Variants in PROX1 observed in about 807,000 individuals in gnomAD.
The protein encoded by PROX1 is prospero homeobox protein 1.
PROX1 carries 7 observed loss-of-function variants against 58.8 expected under a neutral mutation model. The observed-to-expected ratio is 0.12, with a 90% CI of 0.07 to 0.22. The LOEUF is 0.22. Among genes scored for constraint, PROX1 ranks in the 10% least tolerant of loss-of-function variants. PROX1 has a pLI of 1.00. For missense variants in PROX1, 675 were observed against 927.8 expected, an observed-to-expected ratio of 0.73 and a Z score of 3.54; for synonymous variants, 350 against 358.3, an observed-to-expected ratio of 0.98 and a Z score of 0.26.
chr1:213,991,270 C>G (rs1163965177), intron 1 of PROX1, among the ~76,000 whole-genome samples: 1 of 152,216 alleles, frequency 6.6e-6, no homozygotes, highest in African/African-American at 2.4e-5. Flanking sequence ...TTTAAACAGA[C>G]TACTTCTGTA....
chr1:214,022,005 C>A (rs886702951), intron 4 of PROX1, among the ~76,000 whole-genome samples: 37 of 152,168 alleles, frequency 2.4e-4, no homozygotes, highest in African/African-American at 6.5e-4. Flanking sequence ...TGATGTTATT[C>A]TCAGGCAGGC....
At position 213,996,303 on chromosome 1, in the gene PROX1, T is replaced by C. The variant is rs562521560; in HGVS notation, c.-67-166T>C. 3.3e-5 allele frequency among the ~76,000 whole-genome samples: 5 copies of C among 152,266 alleles called. No individual in the cohort carries two copies. In the South Asian group the frequency reaches 1.0e-3, roughly 32 times the overall value. ...ATCTTAAACCAGTGGAGCAGAAATA[T>C]TTAAAAATGTTTCATTTCAAGCAGA... is the stretch of plus-strand genomic sequence containing the variant. On this transcript the variant is annotated intron_variant, in intron 1 of 4. Transcript: ENST00000366958.
chr1:214,012,453 A>G (rs979747890), intron 4 of PROX1, among the ~76,000 whole-genome samples: 10 of 152,238 alleles, frequency 6.6e-5, no homozygotes, highest in African/African-American at 1.9e-4. Flanking sequence ...CCATGCAACA[A>G]TGAAAGATGT....
chr1:214,000,381 G>A (rs1663457463), intron 2 of PROX1, among the ~76,000 whole-genome samples: 1 of 152,150 alleles, frequency 6.6e-6, no homozygotes, highest in South Asian at 2.1e-4. Context: ...CTTTTATTTT[G>A]ATACATATCA....
chr1:213,992,873 G>A (rs926620638), intron 1 of PROX1, among the ~76,000 whole-genome samples: 2 of 152,168 alleles, frequency 1.3e-5, no homozygotes, highest in African/African-American at 2.4e-5. Flanking sequence ...TCACGCTGCA[G>A]TGTTCCTTTG....
Position 213,993,811 on chromosome 1 carries a change from A to G in PROX1, c.-67-2658A>G, listed in dbSNP as rs141203677. 2.2e-3 allele frequency among the ~76,000 whole-genome samples: 335 copies of G among 152,260 alleles called. 1 individual carries two copies. Among genetic ancestry groups the G allele is most frequent in the African/African-American group, 7.7e-3 (320 of 41,548 alleles). ...TCCCATTTGTTTTGTCTTATTTGTT[A>G]TGTTCCAGCTGGACATTTTACAACA... On this transcript the variant is annotated intron_variant, in intron 1 of 4. Transcript: ENST00000366958.
In PROX1 at chr1:213,990,659, C is replaced by CGTGTGTGTGT. The variant is rs71165944; in HGVS notation, c.-68+2209_-68+2218dup. Among the ~76,000 whole-genome samples, 666 of 135,970 alleles carry CGTGTGTGTGT rather than the reference C, an allele frequency of 4.9e-3. 2 individuals carry two copies. The highest frequency in any genetic ancestry group is 0.011 in the Middle Eastern group (3 of 268). The allele number at this position is 135,970 out of a possible 152,430, so 89.2% of individuals were successfully genotyped here. A position where few individuals can be genotyped will look rare whatever the true frequency, so the allele number is the denominator to read the frequency against. ...GAGAGAGAGAGAGAGAGAGAACTGT[C>CGTGTGTGTGT]GTGTGTGTGTGTGTGTGTGTGTGTG... On this transcript the variant is annotated intron_variant, in intron 1 of 4. Transcript: ENST00000366958.
chr1:214,009,662 C>T (rs1663840058), intron 3 of PROX1, among the ~76,000 whole-genome samples: 1 of 152,092 alleles, frequency 6.6e-6, no homozygotes, highest in African/African-American at 2.4e-5. Context: ...CTTTATGTCC[C>T]ATTCGTAAAT....
At chr1:213,983,566 C>T (rs752807571), upstream of PROX1, among the ~76,000 whole-genome samples, 4 of 152,312 alleles carry the variant, frequency 2.6e-5, no homozygotes, top group Non-Finnish European at 4.4e-5. Flanking sequence ...CCTTGAGTTG[C>T]GGCCCGAGAC....
intron 4 of PROX1, among the ~76,000 whole-genome samples, chr1:214,021,517 G>A (rs1314870624): frequency 6.6e-6 from 1 of 152,156 alleles, no homozygotes; most frequent in East Asian, 1.9e-4. Flanking sequence ...ACAGTAAGTG[G>A]GCTGCCCTGG....
At chr1:214,015,210 G>C (rs17021804) in intron 4 of PROX1, among the ~76,000 whole-genome samples, 4,564 of 152,232 alleles carry the variant, frequency 0.03, 240 homozygotes, top group African/African-American at 0.1. Flanking sequence ...TTGTGCTAAA[G>C]GGCAGAAGCT....
intron 4 of PROX1, among the ~76,000 whole-genome samples, chr1:214,016,623 T>G (rs1307635156): frequency 2.6e-5 from 4 of 152,204 alleles, no homozygotes; most frequent in Non-Finnish European, 5.9e-5. Context: ...TTTTAAGAGA[T>G]CAAATGAATG....
rs1571850125 is a variant in PROX1, at chr1:214,036,038, C to T, written c.*204C>T. 10 of 432,598 alleles carry T rather than the reference C, an allele frequency of 2.3e-5. No homozygotes were observed. In the East Asian group the frequency reaches 3.8e-4, roughly 16 times the overall value. The allele number at this position is 432,598 out of a possible 1,614,324, so 26.8% of individuals were successfully genotyped here. ...AAGGGGATGGTTGTTTTCTTTCTGC[C>T]TTTAGTTTGCTTTTGCCCAAGGCCC... On this transcript the variant is annotated 3_prime_UTR_variant, in exon 5 of 5. Coordinates refer to ENST00000366958, the MANE Select transcript of PROX1 (RefSeq NM_001270616.2).
In PROX1 at chr1:214,040,506, A is replaced by C. The variant is rs74719846; in HGVS notation, c.*4672A>C. 1 of 152,314 alleles carries C rather than the reference A, an allele frequency of 6.6e-6. No homozygotes were observed. The allele number at this position is 152,314 out of a possible 1,614,324, so 9.4% of individuals were successfully genotyped here. A position where few individuals can be genotyped will look rare whatever the true frequency, so the allele number is the denominator to read the frequency against. On this transcript the variant is annotated 3_prime_UTR_variant, in exon 5 of 5. Transcript: ENST00000366958. The stretch of plus-strand genomic sequence containing the variant: ...TTTAAAATTGTATATTACGACTTCA[A>C]ATTTAGAACTAAGAAAAAAATGTAT...
At chr1:214,019,176 C>T (rs967563053) in intron 4 of PROX1, among the ~76,000 whole-genome samples, 16 of 152,264 alleles carry the variant, frequency 1.1e-4, no homozygotes, top group African/African-American at 3.1e-4. Flanking sequence ...GTGACTTTCT[C>T]GTGCCTTAAC....
At chr1:214,008,336 T>A (rs1338049587) in intron 3 of PROX1, among the ~76,000 whole-genome samples, 2 of 152,026 alleles carry the variant, frequency 1.3e-5, no homozygotes, top group African/African-American at 4.8e-5. Flanking sequence ...ATTACAGGCA[T>A]GAGCCACCGC....
chr1:213,994,773 ATATAT>A (rs1663186201), intron 1 of PROX1, among the ~76,000 whole-genome samples: 2 of 31,866 alleles, frequency 6.3e-5, no homozygotes, highest in South Asian at 9.6e-4. Flanking sequence ...ATATATATAT[ATATAT>A]ATATATATAT....
At chr1:214,004,401 T>C (rs1454815815) in intron 2 of PROX1, among the ~76,000 whole-genome samples, 1 of 152,230 alleles carries the variant, frequency 6.6e-6, no homozygotes, top group Non-Finnish European at 1.5e-5. Context: ...ATTGATCTGC[T>C]AACCCACATG....
At chr1:213,998,550 G>A (rs191179009) in intron 2 of PROX1, among the ~76,000 whole-genome samples, 2 of 151,670 alleles carry the variant, frequency 1.3e-5, no homozygotes, top group South Asian at 4.2e-4. Flanking sequence ...TGTTCTTCCT[G>A]CATTATCTTC....
Sources: gnomAD v4.1 joint callset for allele counts (sites outside exome capture counted in the v4.1 genomes callset) on GRCh38, gnomAD v4.1.1 for gene constraint, MANE v1.5 for transcripts, NCBI Gene and HGNC (gene_info 2026-07-23, HGNC 2026-07-21) for gene names.